The following TRIM23 variants were observed in gnomAD, a reference collection of about 807,000 sequenced individuals.
TRIM23 encodes the protein E3 ubiquitin-protein ligase TRIM23.
A neutral mutation model predicts 71.0 loss-of-function variants in TRIM23; 27 were observed. The ratio of observed to expected loss-of-function variants is 0.38; its 90% CI spans 0.28 to 0.52. The LOEUF is 0.52. Ranked by LOEUF, TRIM23 falls within the 20% of genes least tolerant of loss-of-function variation. The pLI is 0.84. For synonymous variants in TRIM23, 234 were observed against 238.0 expected, an observed-to-expected ratio of 0.98 and a Z score of 0.16; for missense variants, 482 against 692.3, an observed-to-expected ratio of 0.70 and a Z score of 3.41.
At position 65,614,227 on chromosome 5, in the gene TRIM23, A is replaced by G. The variant is rs375731111; in HGVS notation, c.245-8T>C. The stretch of plus-strand genomic sequence containing the variant: ...CCCAGACACCTGAATCACCTAGAAT[A>G]AATATAAAAACAAAAACTAAATCTA... On this transcript the variant is annotated splice_region_variant and splice_polypyrimidine_tract_variant and intron_variant, in intron 2 of 10. Coordinates refer to ENST00000231524, the MANE Select transcript of TRIM23 (RefSeq NM_001656.4). The G allele has an allele frequency of 6.2e-7, 1 of 1,611,218 alleles. No individual in the cohort carries two copies. The highest frequency in any genetic ancestry group is 1.3e-5 in the African/African-American group (1 of 74,906).
chr5:65,620,287 C>T (rs868797571), intron 1 of TRIM23, among the ~76,000 whole-genome samples: 2 of 152,042 alleles, frequency 1.3e-5, no homozygotes, highest in South Asian at 4.1e-4. Flanking sequence ...ATTTAAATAA[C>T]TCAGTAATTC....
intron 7 of TRIM23, among the ~76,000 whole-genome samples, chr5:65,604,173 T>G (rs1754435626): frequency 6.6e-6 from 1 of 152,180 alleles, no homozygotes; most frequent in Non-Finnish European, 1.5e-5. Flanking sequence ...CTCAGCTCAC[T>G]GTAACCTCTG....
At chr5:65,620,862 G>A (rs1203895515) in intron 1 of TRIM23, among the ~76,000 whole-genome samples, 2 of 151,816 alleles carry the variant, frequency 1.3e-5, no homozygotes, top group South Asian at 2.1e-4. Flanking sequence ...GACTGCTTGA[G>A]GCCAGGAGTT....
Position 65,615,008 on chromosome 5 carries a change from G to A in TRIM23, c.245-789C>T, listed in dbSNP as rs995337803. On this transcript the variant is annotated intron_variant, in intron 2 of 10. Transcript: ENST00000231524. ...CACCTTCCGGGTTCAAGTGATCCTC[G>A]TGCCCCAGCCTCCCAAGTGGCTGGG... Among the ~76,000 whole-genome samples, 16 of 151,688 alleles carry A rather than the reference G, an allele frequency of 1.1e-4. 1 individual carries two copies. Among genetic ancestry groups the A allele is most frequent in the Middle Eastern group, 3.2e-3 (1 of 316 alleles).
chr5:65,610,973 G>T lies in TRIM23; in HGVS notation c.716C>A (p.Thr239Asn), dbSNP rs1308677073. 1 of 1,613,634 alleles carries T rather than the reference G, an allele frequency of 6.2e-7. No individual in the cohort carries two copies. The highest frequency in any genetic ancestry group is 2.2e-5 in the East Asian group (1 of 44,862). Residue 239 changes from threonine to asparagine, a missense_variant, in exon 5 of 11, where the codon ACC becomes AAC. Physicochemically the swap from Thr to Asn is moderately conservative, Grantham distance 65. Coordinates refer to ENST00000231524, the MANE Select transcript of TRIM23 (RefSeq NM_001656.4). Reference sequence around the variant, plus strand: ...ATAATCTGAGATTTCCTCTGTGAAGGTCCGTATGCAGTGAGCCATATCTAA... The same window carrying T: ...ATAATCTGAGATTTCCTCTGTGAAGTTCCGTATGCAGTGAGCCATATCTAA... ...SILDMAHCIR[T>N]FTEEISDYSR...
intron 4 of TRIM23, 48 bp from the exon 5 acceptor site, chr5:65,611,091 A>AAAAAAAGAAC: frequency 6.8e-7 from 1 of 1,476,148 alleles, no homozygotes. Context: ...GTATTGACTA[A>AAAAAAAGAAC]TAATATAAAA....
At position 65,620,460 on chromosome 5, in the gene TRIM23, A is replaced by G. The variant is rs572933261; in HGVS notation, c.82-2205T>C. On this transcript the variant is annotated intron_variant, in intron 1 of 10. Coordinates refer to ENST00000231524, the MANE Select transcript of TRIM23 (RefSeq NM_001656.4). The stretch of plus-strand genomic sequence containing the variant: ...TGTGGCACATTCATAATACTATAAA[A>G]CTATATAGGATAGTGAGAAAGATGA... 2.7e-4 allele frequency among the ~76,000 whole-genome samples: 41 copies of G among 152,322 alleles called. No homozygotes were observed. The South Asian group carries it at 5.8e-3, about 22-fold the overall frequency.
chr5:65,616,641 T>TAAA (rs746034795), intron 2 of TRIM23, among the ~76,000 whole-genome samples: 1 of 126,316 alleles, frequency 7.9e-6, no homozygotes, highest in Admixed American at 8.2e-5. Context: ...CACTCTGCTT[T>TAAA]AAAAAAAAAA....
rs914632788 is a variant in TRIM23 at position 65,590,229 on chromosome 5, CAAATATT to C, written c.*1533_*1539del. The C allele has an allele frequency of 2.4e-5, 24 of 986,782 alleles. No homozygotes were observed. The African/African-American group carries it at 2.8e-4, about 12-fold the overall frequency. The allele number at this position is 986,782 out of a possible 1,614,324, so 61.1% of individuals were successfully genotyped here. ...ATTTTTCACAGTTATTGAAATCAGT[CAAATATT>C]AAATAATTTAATTCGGAAGTATTAT... On this transcript the variant is annotated 3_prime_UTR_variant, in exon 11 of 11. Coordinates refer to ENST00000231524, the MANE Select transcript of TRIM23 (RefSeq NM_001656.4).
rs2150636274 is a variant in TRIM23, at chr5:65,611,887, A to T, written c.367-6T>A. The stretch of plus-strand genomic sequence containing the variant: ...TCATCACAACGAATGATGCTCTGAT[A>T]AACAAAAAATTAATGCCTTAAAATT... On this transcript the variant is annotated splice_region_variant and splice_polypyrimidine_tract_variant and intron_variant, in intron 3 of 10. Transcript: ENST00000231524. 1.9e-6 allele frequency: 3 copies of T among 1,604,826 alleles called. No individual in the cohort carries two copies. The East Asian group carries it at 6.7e-5, about 36-fold the overall frequency.
intron 6 of TRIM23, 142 bp from the exon 7 acceptor site, chr5:65,605,187 A>T: frequency 1.3e-6 from 1 of 745,774 alleles, no homozygotes; most frequent in Non-Finnish European, 2.0e-6. Context: ...ATAATAATTG[A>T]GCATTAATAA....
At chr5:65,608,344 T>C (rs1754560580) in intron 6 of TRIM23, among the ~76,000 whole-genome samples, 1 of 152,130 alleles carries the variant, frequency 6.6e-6, no homozygotes, top group African/African-American at 2.4e-5. Context: ...AAGAGTAGGT[T>C]TGGAGCTGAA....
At chr5:65,595,828 T>G (rs1754186109) in intron 9 of TRIM23, among the ~76,000 whole-genome samples, 1 of 152,124 alleles carries the variant, frequency 6.6e-6, no homozygotes, top group Non-Finnish European at 1.5e-5. Context: ...GAAAGCAGAA[T>G]AACATACAGA....
rs1302847808 is a variant in TRIM23 at position 65,590,116 on chromosome 5, G to A, written c.*1653C>T. 2.2e-6 allele frequency: 1 copy of A among 449,940 alleles called. No homozygotes were observed. Among genetic ancestry groups the A allele is most frequent in the Non-Finnish European group, 4.1e-6 (1 of 244,886 alleles). 27.9% of individuals were successfully genotyped at this position (449,940 alleles called of 1,614,324 possible). ...CAAAGTTTAGCAAAATTAGTGAAAA[G>A]GGAAGCAAGTTCACCTTAGTGTTAC... On this transcript the variant is annotated 3_prime_UTR_variant, in exon 11 of 11. Transcript: ENST00000231524.
At position 65,610,896 on chromosome 5, in the gene TRIM23, C is replaced by A; in HGVS notation, c.793G>T (p.Val265Leu). The change falls in exon 5 of 11, where the codon GTG (valine) becomes TTG (leucine). Residue 265 changes from valine (V) to leucine (L), a missense_variant. Physicochemically the swap from Val to Leu is conservative, Grantham distance 32 (BLOSUM62 1). Coordinates refer to ENST00000231524, the MANE Select transcript of TRIM23 (RefSeq NM_001656.4). The stretch of plus-strand genomic sequence containing the variant: ...TGAGCCATTCCAATTCCATCTTCCA[C>A]GATTTGTTCTCCTCCTTCAATGTGC... ...VQHIEGGEQIVEDGIGMAHTE... is the reference protein window; with the variant it reads ...VQHIEGGEQILEDGIGMAHTE... The A allele has an allele frequency of 1.9e-6, 3 of 1,611,696 alleles. No individual in the cohort carries two copies. Among genetic ancestry groups the A allele is most frequent in the Non-Finnish European group, 2.5e-6 (3 of 1,179,316 alleles).
intron 7 of TRIM23, among the ~76,000 whole-genome samples, chr5:65,601,382 GGAAGCCTCA>G (rs1754361434): frequency 6.6e-6 from 1 of 152,180 alleles, no homozygotes; most frequent in South Asian, 2.1e-4. Context: ...ACATGGCTGG[GGAAGCCTCA>G]GAATCATGAC....
Position 65,591,405 on chromosome 5 carries a change from A to C in TRIM23, c.*364T>G, listed in dbSNP as rs757891446. ...ACACAGAGGTCTCATTAGGCACTCA[A>C]TTGGCTATTCTTTTTTCACTGAAAG... On this transcript the variant is annotated 3_prime_UTR_variant, in exon 11 of 11. Coordinates refer to ENST00000231524, the MANE Select transcript of TRIM23 (RefSeq NM_001656.4). The C allele has an allele frequency of 4.4e-6, 7 of 1,576,976 alleles. No homozygotes were observed. In the South Asian group the frequency reaches 7.1e-5, roughly 16 times the overall value.
chr5:65,606,346 T>C (rs1240598602), intron 6 of TRIM23, among the ~76,000 whole-genome samples: 2 of 151,428 alleles, frequency 1.3e-5, no homozygotes, highest in Non-Finnish European at 2.9e-5. Flanking sequence ...CTCAGGAGGC[T>C]GAAGCAGGAG....
chr5:65,591,985 C>A (rs753782273), intron 10 of TRIM23, 37 bp from the exon 11 acceptor site: 3 of 1,521,618 alleles, frequency 2.0e-6, no homozygotes, highest in South Asian at 2.7e-5. Flanking sequence ...ATCAGTCCAT[C>A]CAAATTATAA....
Sources: gnomAD v4.1 joint callset for allele counts (sites outside exome capture counted in the v4.1 genomes callset) on GRCh38, gnomAD v4.1.1 for gene constraint, MANE v1.5 for transcripts, NCBI Gene and HGNC (gene_info 2026-07-23, HGNC 2026-07-21) for gene names.